Variants in COL6A6 observed in about 807,000 individuals in gnomAD.
The protein encoded by COL6A6 is collagen alpha-6(VI) chain.
COL6A6 carries 183 observed loss-of-function variants against 208.6 expected under a neutral mutation model. That is an observed-to-expected ratio of 0.88 (90% CI 0.78 to 0.99). The LOEUF is 0.99. COL6A6 is among the 50% of genes least tolerant of loss of function. The pLI is 0.00. For synonymous variants in COL6A6, 973 were observed against 1,011.8 expected (o/e 0.96, Z 0.73); for missense variants, 2,816 against 2,815.2 (o/e 1.00, Z -0.01).
intron 3 of COL6A6, among the ~76,000 whole-genome samples, chr3:130,564,507 A>G (rs186797631): frequency 3.6e-3 from 541 of 152,370 alleles, no homozygotes; most frequent in Middle Eastern, 6.8e-3. Flanking sequence ...TTGATAATAG[A>G]GAATGCTTTC....
At chr3:130,602,047 C>A (rs1046900059) in intron 20 of COL6A6, among the ~76,000 whole-genome samples, 1 of 152,016 alleles carries the variant, frequency 6.6e-6, no homozygotes, top group Non-Finnish European at 1.5e-5. Context: ...ACAGAGGAGG[C>A]AAAATGAGAA....
intron 23 of COL6A6, among the ~76,000 whole-genome samples, chr3:130,616,568 AAAG>A (rs1209899287): frequency 2.0e-5 from 3 of 151,732 alleles, no homozygotes; most frequent in South Asian, 2.1e-4. Context: ...AAAAAAAAAA[AAAG>A]GATGGAAAAT....
At chr3:130,612,748 A>G (rs2064397046) in intron 23 of COL6A6, among the ~76,000 whole-genome samples, 3 of 152,064 alleles carry the variant, frequency 2.0e-5, no homozygotes, top group Admixed American at 1.3e-4. Context: ...GGTTACAAGC[A>G]TGGGGGCATC....
intron 1 of COL6A6, among the ~76,000 whole-genome samples, chr3:130,542,550 G>T (rs149547318): frequency 6.6e-6 from 1 of 152,106 alleles, no homozygotes; most frequent in Non-Finnish European, 1.5e-5. Context: ...TTGATTGATG[G>T]CATTGTTGAG....
intron 1 of COL6A6, among the ~76,000 whole-genome samples, chr3:130,553,556 T>C (rs1336547960): frequency 1.3e-5 from 2 of 152,218 alleles, no homozygotes; most frequent in Non-Finnish European, 1.5e-5. Context: ...TATCATTTTA[T>C]TGTATTACTT....
intron 8 of COL6A6, among the ~76,000 whole-genome samples, chr3:130,574,749 G>A (rs939418289): frequency 7.2e-5 from 11 of 152,188 alleles, no homozygotes; most frequent in African/African-American, 2.7e-4. Flanking sequence ...TCCTGGGGGA[G>A]CATGCCTCCT....
Position 130,594,330 on chromosome 3 carries a change from T to C in COL6A6, c.4520T>C (p.Leu1507Pro). 6.2e-7 allele frequency: 1 copy of C among 1,613,320 alleles called. No individual in the cohort carries two copies. The highest frequency in any genetic ancestry group is 8.5e-7 in the Non-Finnish European group (1 of 1,179,592). The change falls in exon 18 of 37, where the codon CTG becomes CCG. Residue 1507 changes from leucine (L) to proline (P), a missense_variant. Transcript: ENST00000358511. ...GTPGDRGAKGLRGDPGAPGVD... is the reference protein window; with the variant it reads ...GTPGDRGAKGPRGDPGAPGVD... ...CCTGGTGACCGTGGAGCAAAGGGCC[T>C]GCGAGGGGATCCCGTAAGTGCACGG... is the stretch of plus-strand genomic sequence containing the variant.
intron 1 of COL6A6, among the ~76,000 whole-genome samples, chr3:130,549,212 C>T (rs1489451224): frequency 6.6e-6 from 1 of 152,064 alleles, no homozygotes; most frequent in East Asian, 1.9e-4. Flanking sequence ...CTTTGTCATC[C>T]AGGCTAGAGT....
At chr3:130,533,086 C>A (rs1488978714) in intron 1 of COL6A6, among the ~76,000 whole-genome samples, 1 of 151,984 alleles carries the variant, frequency 6.6e-6, no homozygotes, top group Non-Finnish European at 1.5e-5. Context: ...TTCTACTGAT[C>A]AAGTAAGTCA....
chr3:130,641,760 A>G (rs747262871), intron 29 of COL6A6, 46 bp downstream of exon 29: 6 of 1,176,236 alleles, frequency 5.1e-6, no homozygotes, highest in Middle Eastern at 2.0e-4. Context: ...TTCCATTAAA[A>G]AAAAAAAAGT....
chr3:130,533,253 T>TAAAAA (rs59750509), intron 1 of COL6A6, among the ~76,000 whole-genome samples: 5 of 129,530 alleles, frequency 3.9e-5, no homozygotes, highest in African/African-American at 1.5e-4. Context: ...TCCCAGGAAT[T>TAAAAA]AAAAAAAAAA....
chr3:130,626,568 T>C (rs1232123204), intron 25 of COL6A6, 21 bp downstream of exon 25: 1 of 1,578,994 alleles, frequency 6.3e-7, no homozygotes, highest in East Asian at 2.2e-5. Context: ...TGACACTAGT[T>C]TTGATCGGAT....
At chr3:130,636,293 AG>A (rs1240223304) in intron 28 of COL6A6, among the ~76,000 whole-genome samples, 14 of 152,218 alleles carry the variant, frequency 9.2e-5, no homozygotes, top group Admixed American at 1.3e-4. Context: ...GATATTGCCT[AG>A]TGCTTTGAGT....
chr3:130,596,490 T>A lies in COL6A6; in HGVS notation c.4534-1875T>A, dbSNP rs1020954700. ...CTTCCAACTGTAAAACAACTCTGTT[T>A]TTTTACATGTGGCTTCAGTGCATTA... On this transcript the variant is annotated intron_variant, in intron 18 of 36. Transcript: ENST00000358511. Among the ~76,000 whole-genome samples, 6 of 152,336 alleles carry A rather than the reference T, an allele frequency of 3.9e-5. No individual in the cohort carries two copies. In the East Asian group the frequency reaches 1.2e-3, roughly 29 times the overall value.
chr3:130,531,047 CACACACACACACAG>C (rs2062076273), intron 1 of COL6A6, among the ~76,000 whole-genome samples: 5 of 87,894 alleles, frequency 5.7e-5, no homozygotes, highest in Admixed American at 2.7e-4. Context: ...CAGACACACA[CACACACACACACAG>C]TCTCTCTCTC....
intron 20 of COL6A6, among the ~76,000 whole-genome samples, chr3:130,602,611 G>A (rs1476453421): frequency 6.6e-6 from 1 of 152,134 alleles, no homozygotes; most frequent in Non-Finnish European, 1.5e-5. Context: ...CAGGGCTTGA[G>A]GAGAAATGGA....
At chr3:130,615,971 A>C (rs1363573414) in intron 23 of COL6A6, among the ~76,000 whole-genome samples, 1 of 152,196 alleles carries the variant, frequency 6.6e-6, no homozygotes, top group Non-Finnish European at 1.5e-5. Flanking sequence ...ACTTCTCTCT[A>C]GTCTACGTCT....
At chr3:130,571,862 T>TTTG (rs2063175650) in intron 7 of COL6A6, among the ~76,000 whole-genome samples, 2 of 150,074 alleles carry the variant, frequency 1.3e-5, no homozygotes, top group African/African-American at 4.9e-5. Flanking sequence ...TTTTTTTTTT[T>TTTG]TGTGAAGACA....
chr3:130,584,358 C>T (rs572659097), intron 10 of COL6A6, among the ~76,000 whole-genome samples: 2 of 152,052 alleles, frequency 1.3e-5, no homozygotes, highest in South Asian at 4.2e-4. Context: ...TAAGTAGATC[C>T]ATTAGCATGC....
Sources: gnomAD v4.1 joint callset for allele counts (sites outside exome capture counted in the v4.1 genomes callset) on GRCh38, gnomAD v4.1.1 for gene constraint, MANE v1.5 for transcripts, NCBI Gene and HGNC (gene_info 2026-07-23, HGNC 2026-07-21) for gene names.